Variants in CELF2 observed in about 807,000 individuals in gnomAD.
CELF2 encodes the protein CUG triplet repeat RNA-binding protein 2.
Under a neutral mutation model 62.6 loss-of-function variants are expected in CELF2, and 8 were observed. The ratio of observed to expected loss-of-function variants is 0.13; its 90% CI spans 0.07 to 0.23. The LOEUF is 0.23. Among genes scored for constraint, CELF2 ranks in the 10% least tolerant of loss-of-function variants. The pLI is 1.00. For synonymous variants in CELF2, 258 were observed against 250.0 expected, an observed-to-expected ratio of 1.03 and a Z score of -0.30; for missense variants, 333 against 671.0, an observed-to-expected ratio of 0.50 and a Z score of 5.56.
intron 1 of CELF2, among the ~76,000 whole-genome samples, chr10:11,155,954 TGATA>T (rs1182091591): frequency 1.3e-5 from 2 of 152,198 alleles, no homozygotes; most frequent in Non-Finnish European, 2.9e-5. Flanking sequence ...ATTCTGCCAT[TGATA>T]GATGATAAAA....
At chr10:10,848,138 C>T (rs889963017) in intron 1 of CELF2, among the ~76,000 whole-genome samples, 6 of 152,144 alleles carry the variant, frequency 3.9e-5, no homozygotes, top group Non-Finnish European at 8.8e-5. Flanking sequence ...GAGGAAATTT[C>T]GTTTCCTTTT....
In CELF2 at chr10:11,328,848, C is replaced by T; in HGVS notation, c.1439-78C>T. On this transcript the variant is annotated intron_variant, in intron 12 of 12. Transcript: ENST00000633077. This position sits in a 1 kb window ranked among gnomAD's most constrained non-coding sequence, Gnocchi z 6.4. ...CACCTCATGCTGGCTCTTCAGCCTTCCCCAGAGCTCCAGCCCCCTTTTCTG... is the reference window on the plus strand; with the variant it reads ...CACCTCATGCTGGCTCTTCAGCCTTTCCCAGAGCTCCAGCCCCCTTTTCTG... 6.6e-7 allele frequency: 1 copy of T among 1,508,616 alleles called. No homozygotes were observed. The allele number at this position is 1,508,616 out of a possible 1,614,324, so 93.5% of individuals were successfully genotyped here.
At chr10:11,293,555 G>A (rs758101671) in intron 9 of CELF2, among the ~76,000 whole-genome samples, 3 of 152,138 alleles carry the variant, frequency 2.0e-5, no homozygotes, top group Non-Finnish European at 4.4e-5. Context: ...AGAGAGGGCT[G>A]GAGTGTCAGT....
At chr10:10,669,553 T>C in the CELF2 span, among the ~76,000 whole-genome samples, 1 of 152,122 alleles carries the variant, frequency 6.6e-6, no homozygotes, top group Non-Finnish European at 1.5e-5. Context: ...GATGTGCAGA[T>C]TCGGATTCTA....
chr10:11,225,790 C>G (rs1435391822), intron 3 of CELF2, among the ~76,000 whole-genome samples: 1 of 152,152 alleles, frequency 6.6e-6, no homozygotes, highest in Non-Finnish European at 1.5e-5. Flanking sequence ...TGATTCCTGT[C>G]CTCAGCTAAC....
intron 1 of CELF2, among the ~76,000 whole-genome samples, chr10:10,812,305 A>G (rs1405613519): frequency 6.6e-6 from 1 of 152,182 alleles, no homozygotes; most frequent in Non-Finnish European, 1.5e-5. Flanking sequence ...ATTCACTACC[A>G]TGAGAACGGT....
the CELF2 span, among the ~76,000 whole-genome samples, chr10:10,578,941 G>A: frequency 2.0e-5 from 3 of 152,134 alleles, no homozygotes; most frequent in African/African-American, 7.2e-5. Context: ...ATGCATGTTG[G>A]GACTCTTCAA....
chr10:10,622,826 G>C, the CELF2 span, among the ~76,000 whole-genome samples: 44 of 152,060 alleles, frequency 2.9e-4, no homozygotes, highest in African/African-American at 9.9e-4. Flanking sequence ...GGGCGCGGTG[G>C]CTTATGCCTG....
intron 2 of CELF2, among the ~76,000 whole-genome samples, chr10:10,961,445 G>T (rs2049488591): frequency 6.6e-6 from 1 of 152,172 alleles, no homozygotes; most frequent in Admixed American, 6.5e-5. Context: ...GGAAGATTTT[G>T]TTTAAAAAAT....
chr10:11,043,087 T>C (rs2062126995), intron 1 of CELF2, among the ~76,000 whole-genome samples: 1 of 152,200 alleles, frequency 6.6e-6, no homozygotes, highest in African/African-American at 2.4e-5. Context: ...TGTCAACCTG[T>C]TTGTCTAAAG....
At chr10:10,471,368 T>G in the CELF2 span, among the ~76,000 whole-genome samples, 1 of 151,800 alleles carries the variant, frequency 6.6e-6, no homozygotes, top group Non-Finnish European at 1.5e-5. Flanking sequence ...ATTTGTCTAT[T>G]TCTCCCCCTA....
In CELF2 at chr10:11,227,806, C is replaced by A. The variant is rs1054924324; in HGVS notation, c.354+10299C>A. 6.6e-6 allele frequency among the ~76,000 whole-genome samples: 1 copy of A among 152,136 alleles called. No individual in the cohort carries two copies. The highest frequency in any genetic ancestry group is 1.5e-5 in the Non-Finnish European group (1 of 68,030). On this transcript the variant is annotated intron_variant, in intron 3 of 12. Coordinates refer to ENST00000633077, the MANE Select transcript of CELF2 (RefSeq NM_001326342.2). This position sits in a 1 kb window ranked among gnomAD's most constrained non-coding sequence, Gnocchi z 4.8. ...TGTCACGCATCAGGGACGAGGGTAC[C>A]GAGTGAGAGCAAAGGATAGGCTCCT... is the stretch of plus-strand genomic sequence containing the variant.
intron 12 of CELF2, among the ~76,000 whole-genome samples, chr10:11,326,262 T>A (rs1243888854): frequency 1.3e-5 from 2 of 152,262 alleles, no homozygotes; most frequent in Non-Finnish European, 2.9e-5. Flanking sequence ...CCAGGTTTAG[T>A]ACAATTCAGA....
At chr10:10,827,293 G>T (rs1250772977) in intron 1 of CELF2, among the ~76,000 whole-genome samples, 3 of 152,108 alleles carry the variant, frequency 2.0e-5, no homozygotes, top group Non-Finnish European at 4.4e-5. Flanking sequence ...GGTACTCAGG[G>T]ATTTTTGTCC....
chr10:11,055,788 CTT>C (rs1307743400), intron 1 of CELF2, among the ~76,000 whole-genome samples: 1 of 152,228 alleles, frequency 6.6e-6, no homozygotes, highest in Non-Finnish European at 1.5e-5. Flanking sequence ...ACATGTGAGT[CTT>C]TTCTTCTTTT....
At chr10:10,907,730 G>T (rs984317499) in intron 1 of CELF2, among the ~76,000 whole-genome samples, 1 of 151,964 alleles carries the variant, frequency 6.6e-6, no homozygotes, top group African/African-American at 2.4e-5. Flanking sequence ...ATTTCATCTG[G>T]GGTTGGTTCA....
At chr10:10,666,880 G>A in the CELF2 span, among the ~76,000 whole-genome samples, 616 of 66,330 alleles carry the variant, frequency 9.3e-3, 58 homozygotes, top group African/African-American at 0.028. Context: ...AAAAAAAAAA[G>A]AAAAAAAAAA....
intron 2 of CELF2, among the ~76,000 whole-genome samples, chr10:10,986,565 A>G (rs1283386006): frequency 1.1e-4 from 17 of 152,226 alleles, no homozygotes; most frequent in Admixed American, 1.1e-3. Context: ...TAATCTGGGA[A>G]GAAGAAAGGA....
At chr10:10,805,227 T>C (rs1038417674) in intron 1 of CELF2, among the ~76,000 whole-genome samples, 1 of 152,198 alleles carries the variant, frequency 6.6e-6, no homozygotes, top group African/African-American at 2.4e-5. Flanking sequence ...ATACAACAGG[T>C]GTGGAGCCCC....
Sources: allele counts gnomAD v4.1 joint callset (sites outside exome capture counted in the v4.1 genomes callset), GRCh38; gene constraint gnomAD v4.1.1; non-coding constraint Gnocchi (gnomAD v3.1); transcripts MANE v1.5; gene names NCBI Gene and HGNC (gene_info 2026-07-23, HGNC 2026-07-21).